Variants in C1orf198 observed in about 807,000 individuals in gnomAD.
C1orf198 encodes the protein uncharacterized protein C1orf198.
In C1orf198, 17 loss-of-function variants were observed where a neutral mutation model predicts 31.4. The ratio of observed to expected loss-of-function variants is 0.54; its 90% confidence interval spans 0.37 to 0.81. The LOEUF is 0.81. Among genes scored for constraint, C1orf198 ranks in the 40% least tolerant of loss-of-function variants. The pLI is 0.00. For missense variants in C1orf198, 401 were observed against 450.3 expected (o/e 0.89, Z 0.99); for synonymous variants, 175 against 193.8 (o/e 0.90, Z 0.81).
rs895909784 is a variant in C1orf198 at position 230,844,367 on chromosome 1, T to C, written c.385-471A>G. Among the ~76,000 whole-genome samples the C allele has an allele frequency of 3.3e-5, 5 of 152,076 alleles. No individual in the cohort carries two copies. In the East Asian group the frequency reaches 5.8e-4, roughly 18 times the overall value. On this transcript the variant is annotated intron_variant, in intron 2 of 3. Transcript: ENST00000366663. The stretch of plus-strand genomic sequence containing the variant: ...GCTCTGCCATGTGAGATACCTGCTC[T>C]CCTCCGCCTTCCACCATGAGCCACA...
Position 230,843,806 on chromosome 1 carries a change from A to T in C1orf198, c.475T>A (p.Ser159Thr). 6.2e-7 allele frequency: 1 copy of T among 1,603,624 alleles called. No homozygotes were observed. Among genetic ancestry groups the T allele is most frequent in the Non-Finnish European group, 8.5e-7 (1 of 1,174,440 alleles). Reference sequence around the variant, plus strand: ...GACTTGAGGGCCTGGGAGCCCTGGGAAGCTTTGGACAGTGGTCTGGGCTCG... The same window carrying T: ...GACTTGAGGGCCTGGGAGCCCTGGGTAGCTTTGGACAGTGGTCTGGGCTCG... The part of the protein sequence containing the change: ...ASEPRPLSKA[S>T]QGSQALKSSQ... Residue 159 changes from serine to threonine, a missense_variant, in exon 3 of 4, where the codon TCC becomes ACC. By Grantham distance (58) the Ser-to-Thr change is moderately conservative (BLOSUM62 1). Coordinates refer to ENST00000366663, the MANE Select transcript of C1orf198 (RefSeq NM_032800.3). This position sits in a 1 kb window ranked among gnomAD's most constrained non-coding sequence, Gnocchi z 4.9.
intron 2 of C1orf198, among the ~76,000 whole-genome samples, chr1:230,845,280 T>C (rs547462741): frequency 6.6e-4 from 98 of 149,090 alleles, no homozygotes; most frequent in Non-Finnish European, 1.2e-3. Flanking sequence ...CTACTCAATA[T>C]GCTGAGGTGG....
rs1248194302 is a variant in C1orf198, at chr1:230,837,178, GT to G, written c.*2673del. The G allele has an allele frequency of 1.1e-4, 17 of 152,746 alleles. No individual in the cohort carries two copies. Among genetic ancestry groups the G allele is most frequent in the African/African-American group, 4.1e-4 (17 of 41,568 alleles). 9.5% of individuals were successfully genotyped at this position (152,746 alleles called of 1,614,324 possible). A position where few individuals can be genotyped will look rare whatever the true frequency, so the allele number is the denominator to read the frequency against. On this transcript the variant is annotated 3_prime_UTR_variant, in exon 4 of 4. Coordinates refer to ENST00000366663, the MANE Select transcript of C1orf198 (RefSeq NM_032800.3). ...AGTATAAAATATGACTAAGTTACAA[GT>G]CGTCAGTAAGAATTTATTACTTTTG... is the stretch of plus-strand genomic sequence containing the variant.
At chr1:230,842,466 T>C (rs1366948162) in intron 3 of C1orf198, among the ~76,000 whole-genome samples, 1 of 152,150 alleles carries the variant, frequency 6.6e-6, no homozygotes, top group Non-Finnish European at 1.5e-5. Context: ...TTGGAGACTA[T>C]TATTCTAAGT....
chr1:230,853,112 G>A (rs958856974), intron 2 of C1orf198, among the ~76,000 whole-genome samples: 1 of 152,190 alleles, frequency 6.6e-6, no homozygotes, highest in Non-Finnish European at 1.5e-5. Flanking sequence ...CAGGCGATCA[G>A]ATGACACATA....
intron 1 of C1orf198, among the ~76,000 whole-genome samples, chr1:230,860,648 C>A (rs1669984202): frequency 6.6e-6 from 1 of 152,082 alleles, no homozygotes; most frequent in African/African-American, 2.4e-5. Context: ...TATAAGGTAC[C>A]TAGAGTAGGC....
rs1669493144 is a variant in C1orf198, at chr1:230,843,209, T to C, written c.927+145A>G. On this transcript the variant is annotated intron_variant, in intron 3 of 3. Coordinates refer to ENST00000366663, the MANE Select transcript of C1orf198 (RefSeq NM_032800.3). This position sits in a 1 kb window ranked among gnomAD's most constrained non-coding sequence, Gnocchi z 4.9. ...TGTTGGTGGCTCAGCACCCTGAGCC[T>C]AGGCATCCTCTGAGGAAGAGGCAGG... The C allele has an allele frequency of 6.0e-6, 6 of 1,006,796 alleles. No homozygotes were observed. In the South Asian group the frequency reaches 6.8e-5, roughly 11 times the overall value. The allele number at this position is 1,006,796 out of a possible 1,614,324, so 62.4% of individuals were successfully genotyped here.
intron 2 of C1orf198, among the ~76,000 whole-genome samples, chr1:230,846,733 C>A (rs971376026): frequency 6.6e-6 from 1 of 152,288 alleles, no homozygotes; most frequent in East Asian, 1.9e-4. Context: ...AAGGCTGAAG[C>A]GGGCAGATCA....
At chr1:230,860,192 AT>A (rs1669976410) in intron 1 of C1orf198, among the ~76,000 whole-genome samples, 1 of 152,230 alleles carries the variant, frequency 6.6e-6, no homozygotes, top group South Asian at 2.1e-4. Flanking sequence ...GATGGCTACT[AT>A]CAAAAAGCAG....
At chr1:230,847,052 G>A (rs1669608318) in intron 2 of C1orf198, among the ~76,000 whole-genome samples, 1 of 135,448 alleles carries the variant, frequency 7.4e-6, no homozygotes, top group Non-Finnish European at 1.5e-5. Flanking sequence ...GCAGTGAGCC[G>A]AAATCCCGCC....
intron 1 of C1orf198, 46 bp from the exon 2 acceptor site, chr1:230,855,764 T>A (rs376670449): frequency 7.2e-5 from 116 of 1,607,460 alleles, no homozygotes; most frequent in Non-Finnish European, 2.3e-5. Context: ...AACCCAGACA[T>A]ACCCCATGCA....
intron 2 of C1orf198, among the ~76,000 whole-genome samples, chr1:230,852,504 G>A (rs1033348817): frequency 7.9e-5 from 12 of 152,188 alleles, no homozygotes; most frequent in African/African-American, 2.4e-4. Context: ...ATGTACACAC[G>A]TATCAAAACA....
At chr1:230,868,042 C>T in intron 1 of C1orf198, 138 bp downstream of exon 1, 2 of 888,622 alleles carry the variant, frequency 2.3e-6, no homozygotes, top group Non-Finnish European at 3.1e-6. Context: ...GGGCTCCCCT[C>T]CCACCCACTG....
chr1:230,843,278 T>C lies in C1orf198; in HGVS notation c.927+76A>G. ...GCATGGGCACCTGTGGCCTGCCTGC[T>C]TTGTGGGGGACCCTCTCGGTTCCCG... On this transcript the variant is annotated intron_variant, in intron 3 of 3. Transcript: ENST00000366663. This position sits in a 1 kb window ranked among gnomAD's most constrained non-coding sequence, Gnocchi z 4.9. 7 of 1,490,290 alleles carry C rather than the reference T, an allele frequency of 4.7e-6. No individual in the cohort carries two copies. Among genetic ancestry groups the C allele is most frequent in the Non-Finnish European group, 6.3e-6 (7 of 1,110,176 alleles). 92.3% of individuals were successfully genotyped at this position (1,490,290 alleles called of 1,614,324 possible).
intron 2 of C1orf198, among the ~76,000 whole-genome samples, chr1:230,850,090 G>A (rs1266352320): frequency 2.6e-5 from 4 of 152,164 alleles, no homozygotes; most frequent in African/African-American, 7.2e-5. Flanking sequence ...CAAGGTTAAG[G>A]GACAAATAAT....
In C1orf198 at chr1:230,843,682, C is replaced by A; in HGVS notation, c.599G>T (p.Gly200Val). ...CTGGAACTCGGCCTCAGGCCCCTCC[C>A]CTCGGGACCGCTCAGCATTGATCTT... ...FWKINAERSR[G>V]EGPEAEFQSL... The change falls in exon 3 of 4, where the codon GGG (glycine) becomes GTG (valine). Residue 200 changes from glycine to valine, a missense_variant. Gly to Val is a moderately radical substitution (Grantham distance 109). Transcript: ENST00000366663. This position sits in a 1 kb window ranked among gnomAD's most constrained non-coding sequence, Gnocchi z 4.9. 6.2e-7 allele frequency: 1 copy of A among 1,614,136 alleles called. No homozygotes were observed. The highest frequency in any genetic ancestry group is 2.2e-5 in the East Asian group (1 of 44,852).
At chr1:230,853,388 T>C (rs561540477) in intron 2 of C1orf198, among the ~76,000 whole-genome samples, 1 of 152,114 alleles carries the variant, frequency 6.6e-6, no homozygotes, top group Admixed American at 6.5e-5. Flanking sequence ...ATGAAGATCT[T>C]ATAAGCCTTT....
rs1388921431 is a variant in C1orf198 at position 230,857,709 on chromosome 1, AC to A, written c.334-1992del. 1.3e-5 allele frequency among the ~76,000 whole-genome samples: 2 copies of A among 152,226 alleles called. No homozygotes were observed. The highest frequency in any genetic ancestry group is 3.8e-4 in the East Asian group (2 of 5,202). ...TTTTCCCAGGACAGCATATAAAAGG[AC>A]TAAATATATTTATATCAGGAAAAAA... On this transcript the variant is annotated intron_variant, in intron 1 of 3. Coordinates refer to ENST00000366663, the MANE Select transcript of C1orf198 (RefSeq NM_032800.3). The surrounding 1 kb of genome is among the most constrained non-coding windows in gnomAD (Gnocchi z 4.2).
At position 230,853,496 on chromosome 1, in the gene C1orf198, C is replaced by T. The variant is rs970692777; in HGVS notation, c.384+2172G>A. On this transcript the variant is annotated intron_variant, in intron 2 of 3. Transcript: ENST00000366663. ...AATGAGTGATGGGCTTTTTAAAACT[C>T]GGCACTGCCTAGTGAAGAAGGAGGA... is the stretch of plus-strand genomic sequence containing the variant. 4.6e-5 allele frequency among the ~76,000 whole-genome samples: 7 copies of T among 152,012 alleles called. No homozygotes were observed. The East Asian group carries it at 1.2e-3, about 25-fold the overall frequency.
Sources: gnomAD v4.1 joint callset for allele counts (sites outside exome capture counted in the v4.1 genomes callset) on GRCh38, gnomAD v4.1.1 for gene constraint, Gnocchi (gnomAD v3.1) non-coding constraint, MANE v1.5 for transcripts, NCBI Gene and HGNC (gene_info 2026-07-23, HGNC 2026-07-21) for gene names.